Variants in FGGY observed in about 807,000 individuals in gnomAD.
FGGY encodes the protein FGGY carbohydrate kinase domain-containing protein.
A neutral mutation model predicts 71.3 loss-of-function variants in FGGY; 72 were observed. The ratio of observed to expected loss-of-function variants is 1.01; its 90% CI spans 0.84 to 1.23. The LOEUF (loss-of-function observed/expected upper bound fraction) is 1.23, where lower values mean the gene tolerates loss of function less well. Among genes scored for constraint, FGGY ranks in the 50% most tolerant of loss-of-function variants. The pLI is 0.00. For missense variants in FGGY, 668 were observed against 682.3 expected (o/e 0.98, Z 0.23); for synonymous variants, 251 against 250.3 (o/e 1.00, Z -0.02).
Position 59,463,975 on chromosome 1 carries a change from G to A in FGGY, c.670+6899G>A, listed in dbSNP as rs191942382. Among the ~76,000 whole-genome samples the A allele has an allele frequency of 2.9e-4, 44 of 152,232 alleles. No individual in the cohort carries two copies. In the East Asian group the frequency reaches 8.1e-3, roughly 28 times the overall value. On this transcript the variant is annotated intron_variant, in intron 6 of 15. Transcript: ENST00000303721. Reference sequence around the variant, plus strand: ...GATCAACAAGACAGAAGCTTAACAAGGATACCCAGGACTTGAATTCAGCTC... The same window carrying A: ...GATCAACAAGACAGAAGCTTAACAAAGATACCCAGGACTTGAATTCAGCTC...
intron 5 of FGGY, among the ~76,000 whole-genome samples, chr1:59,387,155 A>G (rs907096369): frequency 2.0e-5 from 3 of 152,068 alleles, no homozygotes; most frequent in Admixed American, 1.3e-4. Flanking sequence ...TGGGTTATTG[A>G]TCTGTAGTCA....
intron 11 of FGGY, among the ~76,000 whole-genome samples, chr1:59,651,626 T>A (rs1202354579): frequency 6.6e-6 from 1 of 150,668 alleles, no homozygotes; most frequent in Non-Finnish European, 1.5e-5. Context: ...TCCATCCTTT[T>A]ATTTTGAGCC....
At chr1:59,317,771 T>C (rs1286568806) in intron 1 of FGGY, among the ~76,000 whole-genome samples, 1 of 152,246 alleles carries the variant, frequency 6.6e-6, no homozygotes, top group Non-Finnish European at 1.5e-5. Flanking sequence ...GTGGTGAACC[T>C]GAAATATGCA....
In FGGY at chr1:59,698,818, AAT is replaced by A. The variant is rs550398008; in HGVS notation, c.1512+24688_1512+24689del. ...CATTGAGTGCGTGTACTTAATTTTT[AAT>A]ATGTGTGTGCCCACAGCCAAGAGAA... On this transcript the variant is annotated intron_variant, in intron 14 of 15. Transcript: ENST00000303721. 3.7e-5 allele frequency: 36 copies of A among 985,396 alleles called. No individual in the cohort carries two copies. The South Asian group carries it at 1.6e-3, about 45-fold the overall frequency. 61.0% of individuals were successfully genotyped at this position (985,396 alleles called of 1,614,324 possible). A position where few individuals can be genotyped will look rare whatever the true frequency, so the allele number is the denominator to read the frequency against.
At chr1:59,511,825 C>T (rs546668775) in intron 6 of FGGY, among the ~76,000 whole-genome samples, 1 of 152,244 alleles carries the variant, frequency 6.6e-6, no homozygotes, top group South Asian at 2.1e-4. Context: ...CAAAGTACAC[C>T]TTTTTCCTCT....
At chr1:59,531,222 C>A (rs532154956) in intron 7 of FGGY, among the ~76,000 whole-genome samples, 39 of 152,276 alleles carry the variant, frequency 2.6e-4, no homozygotes, top group African/African-American at 8.2e-4. Flanking sequence ...CCTCTTTAAA[C>A]CTCACTTTTT....
intron 7 of FGGY, among the ~76,000 whole-genome samples, chr1:59,516,062 G>A (rs192282619): frequency 4.5e-4 from 67 of 150,150 alleles, no homozygotes; most frequent in African/African-American, 1.7e-3. Flanking sequence ...CTTAATATAT[G>A]TTGACTATGT....
At chr1:59,625,266 C>T (rs2096845114) in intron 9 of FGGY, among the ~76,000 whole-genome samples, 1 of 152,078 alleles carries the variant, frequency 6.6e-6, no homozygotes, top group Admixed American at 6.5e-5. Context: ...ACATTTCTGT[C>T]CCTGATACAT....
At chr1:59,538,667 A>G (rs1180911442) in intron 7 of FGGY, among the ~76,000 whole-genome samples, 1 of 152,006 alleles carries the variant, frequency 6.6e-6, no homozygotes, top group Non-Finnish European at 1.5e-5. Flanking sequence ...TGCAGCCATA[A>G]AAAAGGATGA....
intron 14 of FGGY, among the ~76,000 whole-genome samples, chr1:59,688,064 A>T (rs574686376): frequency 1.3e-5 from 2 of 152,284 alleles, no homozygotes; most frequent in South Asian, 4.1e-4. Flanking sequence ...AATACTGCCT[A>T]TACACCCAGC....
At chr1:59,324,804 A>G (rs1448819862) in intron 2 of FGGY, among the ~76,000 whole-genome samples, 1 of 152,160 alleles carries the variant, frequency 6.6e-6, no homozygotes, top group Admixed American at 6.5e-5. Flanking sequence ...TGAAATTTTT[A>G]GATTTTCTAC....
At chr1:59,303,788 C>T (rs1397619351) in intron 1 of FGGY, among the ~76,000 whole-genome samples, 2 of 151,986 alleles carry the variant, frequency 1.3e-5, no homozygotes, top group Non-Finnish European at 2.9e-5. Flanking sequence ...TAATAGCTAT[C>T]CTAATAGGTA....
chr1:59,678,901 A>G (rs919019727), intron 14 of FGGY, among the ~76,000 whole-genome samples: 3 of 152,200 alleles, frequency 2.0e-5, no homozygotes, highest in Non-Finnish European at 2.9e-5. Context: ...GAATCAGCCA[A>G]TTAATCACAG....
At position 59,583,405 on chromosome 1, in the gene FGGY, C is replaced by A. The variant is rs1316942471; in HGVS notation, c.904-24398C>A. On this transcript the variant is annotated intron_variant, in intron 8 of 15. Coordinates refer to ENST00000303721, the MANE Select transcript of FGGY (RefSeq NM_018291.5). ...AATAAAGGTCTTATTTTTACATTGA[C>A]ACTTTCAATCTAGGTAAACTTGAAT... 2.1e-5 allele frequency among the ~76,000 whole-genome samples: 3 copies of A among 143,584 alleles called. 1 individual carries two copies. Among genetic ancestry groups the A allele is most frequent in the African/African-American group, 8.2e-5 (3 of 36,742 alleles). 94.2% of individuals were successfully genotyped at this position (143,584 alleles called of 152,430 possible). A position where few individuals can be genotyped will look rare whatever the true frequency, so the allele number is the denominator to read the frequency against.
intron 5 of FGGY, among the ~76,000 whole-genome samples, chr1:59,447,469 C>T (rs2071554704): frequency 6.6e-6 from 1 of 152,064 alleles, no homozygotes; most frequent in Non-Finnish European, 1.5e-5. Context: ...GATACTCTAC[C>T]CTTACCTGGA....
intron 14 of FGGY, among the ~76,000 whole-genome samples, chr1:59,696,884 A>T (rs1431062424): frequency 6.6e-6 from 1 of 152,174 alleles, no homozygotes; most frequent in Non-Finnish European, 1.5e-5. Flanking sequence ...CAGATGAGGA[A>T]GTTGAGACCC....
intron 6 of FGGY, chr1:59,474,018 C>A (rs1164601985): frequency 6.6e-6 from 1 of 152,162 alleles, no homozygotes; most frequent in Non-Finnish European, 1.5e-5. Context: ...ATGTTCTTAC[C>A]AACTGTAAGT....
rs200536411 is a variant in FGGY at position 59,330,969 on chromosome 1, AT to A, written c.202-8976del. On this transcript the variant is annotated intron_variant, in intron 2 of 15. Transcript: ENST00000303721. ...ATCCTGATGAGTTTCAGAGGCTGAG[AT>A]TTTTTTTTTTTTAAACTATAAACTT... Among the ~76,000 whole-genome samples the A allele has an allele frequency of 1.4e-3, 200 of 146,704 alleles. 1 individual carries two copies. The highest frequency in any genetic ancestry group is 0.012 in the East Asian group (61 of 5,052).
At chr1:59,715,609 A>T (rs1007674888) in intron 14 of FGGY, among the ~76,000 whole-genome samples, 1 of 152,206 alleles carries the variant, frequency 6.6e-6, no homozygotes, top group African/African-American at 2.4e-5. Flanking sequence ...CCACTATGAG[A>T]TGTCAGATCT....
Sources: gnomAD v4.1 joint callset for allele counts (sites outside exome capture counted in the v4.1 genomes callset) on GRCh38, gnomAD v4.1.1 for gene constraint, MANE v1.5 for transcripts, NCBI Gene and HGNC (gene_info 2026-07-23, HGNC 2026-07-21) for gene names.